The following MEI1 variants were observed in gnomAD, a reference collection of about 807,000 sequenced individuals.
MEI1 encodes meiosis inhibitor protein 1.
MEI1 carries 103 observed loss-of-function variants against 146.2 expected under a neutral mutation model. The observed-to-expected ratio is 0.70, with a 90% CI of 0.60 to 0.83. The LOEUF (loss-of-function observed/expected upper bound fraction) is 0.83, where lower values mean the gene tolerates loss of function less well. Among genes scored for constraint, MEI1 ranks in the 40% least tolerant of loss-of-function variants. MEI1 has a pLI of 0.00. For synonymous variants in MEI1, 652 were observed against 628.2 expected, an observed-to-expected ratio of 1.04 and a Z score of -0.57; for missense variants, 1,529 against 1,533.0, an observed-to-expected ratio of 1.00 and a Z score of 0.04.
intron 1 of MEI1, among the ~76,000 whole-genome samples, chr22:41,701,234 C>T (rs2413652): frequency 0.64 from 97,079 of 151,884 alleles, 34,165 homozygotes; most frequent in East Asian, 0.92. Flanking sequence ...CCACCACACC[C>T]GGCCAAACAG....
At chr22:41,700,680 T>C (rs977574016) in intron 1 of MEI1, among the ~76,000 whole-genome samples, 4 of 151,282 alleles carry the variant, frequency 2.6e-5, no homozygotes, top group African/African-American at 9.8e-5. Context: ...CTTTGGGAGG[T>C]CAAGTTTCTC....
intron 25 of MEI1, 26 bp from the exon 26 acceptor site, chr22:41,784,582 G>T (rs1214289388): frequency 6.2e-6 from 10 of 1,608,024 alleles, no homozygotes; most frequent in Admixed American, 1.7e-5. Context: ...GACAGGAATT[G>T]GGTGTAAGGA....
intron 20 of MEI1, among the ~76,000 whole-genome samples, chr22:41,772,086 C>G (rs1325723227): frequency 6.6e-6 from 1 of 152,134 alleles, no homozygotes; most frequent in Non-Finnish European, 1.5e-5. Context: ...CTACTACACA[C>G]CTAGGTATAT....
chr22:41,779,020 C>A (rs921372697), intron 22 of MEI1: 6 of 515,542 alleles, frequency 1.2e-5, no homozygotes, highest in Admixed American at 9.9e-5. Context: ...AGACACCCTA[C>A]CTCTGCAAAA....
chr22:41,786,101 G>C lies in MEI1; in HGVS notation c.3345+1318G>C, dbSNP rs535250281. 2.0e-5 allele frequency among the ~76,000 whole-genome samples: 3 copies of C among 149,466 alleles called. No homozygotes were observed. In the Admixed American group the frequency reaches 2.0e-4, roughly 10 times the overall value. ...AATTTTTTGTATTTTTAGTAGAGAC[G>C]GGGTTTCACCGTGTTAGCCAGGATG... On this transcript the variant is annotated intron_variant, in intron 26 of 30. Coordinates refer to ENST00000401548, the MANE Select transcript of MEI1 (RefSeq NM_152513.4).
chr22:41,777,185 TCA>T (rs2075488017), intron 21 of MEI1, among the ~76,000 whole-genome samples: 1 of 149,746 alleles, frequency 6.7e-6, no homozygotes, highest in Non-Finnish European at 1.5e-5. Flanking sequence ...AGAGAGGGTC[TCA>T]CTCTGTCGTT....
intron 7 of MEI1, among the ~76,000 whole-genome samples, 172 bp from the exon 8 acceptor site, chr22:41,729,493 A>T (rs2071668472): frequency 6.6e-6 from 1 of 151,890 alleles, no homozygotes; most frequent in Admixed American, 6.6e-5. Flanking sequence ...GTTCACGGAG[A>T]CCCCTTCCCA....
At chr22:41,724,624 A>G in intron 7 of MEI1, among the ~76,000 whole-genome samples, 1 of 150,130 alleles carries the variant, frequency 6.7e-6, no homozygotes, top group East Asian at 2.0e-4. Context: ...CTCAAAAAAA[A>G]AAAAAAAAAA....
rs2071088963 is a variant in MEI1 at position 41,723,926 on chromosome 22, A to G, written c.734-17A>G. 1 of 1,581,526 alleles carries G rather than the reference A, an allele frequency of 6.3e-7. No individual in the cohort carries two copies. On this transcript the variant is annotated splice_polypyrimidine_tract_variant and intron_variant, in intron 6 of 30. Transcript: ENST00000401548. ...TGTGTTCCTCTTGCCTTACTTCCCAATCCCTTTGTTTCCTAGGTTTGCTGA... is the reference window on the plus strand; with the variant it reads ...TGTGTTCCTCTTGCCTTACTTCCCAGTCCCTTTGTTTCCTAGGTTTGCTGA...
At chr22:41,772,619 C>A (rs1472619626) in intron 20 of MEI1, among the ~76,000 whole-genome samples, 2 of 152,168 alleles carry the variant, frequency 1.3e-5, no homozygotes, top group Non-Finnish European at 2.9e-5. Flanking sequence ...ACTGTACCTG[C>A]CATTTTTTCT....
intron 15 of MEI1, among the ~76,000 whole-genome samples, chr22:41,749,785 A>C (rs1295933098): frequency 6.6e-6 from 1 of 152,064 alleles, no homozygotes; most frequent in Non-Finnish European, 1.5e-5. Flanking sequence ...AGCTGGATGT[A>C]GGGCTTGAAA....
chr22:41,705,454 G>A (rs1486288020), intron 2 of MEI1, 50 bp from the exon 3 acceptor site: 14 of 1,534,382 alleles, frequency 9.1e-6, no homozygotes, highest in Non-Finnish European at 1.3e-5. Flanking sequence ...ACAGATGTGT[G>A]CCACCGCGCC....
intron 15 of MEI1, among the ~76,000 whole-genome samples, chr22:41,748,961 C>G (rs1231227028): frequency 6.6e-6 from 1 of 152,098 alleles, no homozygotes; most frequent in Non-Finnish European, 1.5e-5. Flanking sequence ...CGCCACCACG[C>G]CCGGCTAATT....
chr22:41,738,392 G>A (rs192814274), intron 11 of MEI1, among the ~76,000 whole-genome samples: 222 of 152,232 alleles, frequency 1.5e-3, no homozygotes, highest in African/African-American at 5.1e-3. Flanking sequence ...TTCGAGAACA[G>A]CCTGACCAAC....
chr22:41,699,884 C>A (rs1338691892), intron 1 of MEI1, among the ~76,000 whole-genome samples, 172 bp downstream of exon 1: 2 of 152,248 alleles, frequency 1.3e-5, no homozygotes, highest in African/African-American at 4.8e-5. Context: ...AGCGGCCTCT[C>A]GGGCCCCTCA....
chr22:41,784,252 A>G, intron 24 of MEI1, 87 bp from the exon 25 acceptor site: 5 of 1,124,576 alleles, frequency 4.4e-6, no homozygotes, highest in African/African-American at 1.5e-5. Context: ...ATGTGGGGGG[A>G]GGTGATAGAA....
At chr22:41,718,805 T>C (rs2070452575) in intron 6 of MEI1, among the ~76,000 whole-genome samples, 2 of 152,104 alleles carry the variant, frequency 1.3e-5, no homozygotes, top group South Asian at 4.2e-4. Flanking sequence ...TGCTCTGTCA[T>C]CCCATGGTGG....
Position 41,732,592 on chromosome 22 carries a change from T to A in MEI1, c.1320T>A (p.Ser440=). Residue 440 remains serine (S), a synonymous_variant, in exon 11 of 31, where the codon TCT becomes TCA. Coordinates refer to ENST00000401548, the MANE Select transcript of MEI1 (RefSeq NM_152513.4). ...CTGCTGAGGCCTTGAAGGCCACTTC[T>A]GCTTTTCTGAGGTGAGAGACCCAGG... is the stretch of plus-strand genomic sequence containing the variant. ...EVAAEALKAT[S]AFLRKDHQST... 1 of 1,613,180 alleles carries A rather than the reference T, an allele frequency of 6.2e-7. No individual in the cohort carries two copies. The highest frequency in any genetic ancestry group is 8.5e-7 in the Non-Finnish European group (1 of 1,179,714).
At chr22:41,741,973 T>C (rs1482232995) in intron 11 of MEI1, among the ~76,000 whole-genome samples, 1 of 149,230 alleles carries the variant, frequency 6.7e-6, no homozygotes, top group Non-Finnish European at 1.5e-5. Context: ...GAAAAGAAAG[T>C]TCTCAGGCTG....
Sources: allele counts gnomAD v4.1 joint callset (sites outside exome capture counted in the v4.1 genomes callset), GRCh38; gene constraint gnomAD v4.1.1; transcripts MANE v1.5; gene names NCBI Gene and HGNC (gene_info 2026-07-23, HGNC 2026-07-21).